The following HS6ST3 variants were observed in gnomAD, a reference collection of about 807,000 sequenced individuals.
HS6ST3 encodes the protein heparan-sulfate 6-O-sulfotransferase 3.
In HS6ST3, 12 loss-of-function variants were observed where a neutral mutation model predicts 36.7. That is an observed-to-expected ratio of 0.33 (90% confidence interval 0.21 to 0.53). HS6ST3 has a LOEUF of 0.53. HS6ST3 is among the 20% of genes least tolerant of loss of function. HS6ST3 has a pLI of 0.95. For missense variants in HS6ST3, 584 were observed against 640.9 expected, an observed-to-expected ratio of 0.91 and a Z score of 0.96; for synonymous variants, 240 against 257.5, an observed-to-expected ratio of 0.93 and a Z score of 0.65.
chr13:96,382,176 A>C (rs1681318558), intron 1 of HS6ST3, among the ~76,000 whole-genome samples: 1 of 152,126 alleles, frequency 6.6e-6, no homozygotes, highest in African/African-American at 2.4e-5. Context: ...AATGGAGCAG[A>C]GTGGGGAGGG....
chr13:96,208,555 A>T (rs2054383406), intron 1 of HS6ST3, among the ~76,000 whole-genome samples: 1 of 152,208 alleles, frequency 6.6e-6, no homozygotes, highest in Non-Finnish European at 1.5e-5. Context: ...TATTTTAGAA[A>T]AAAATATTTT....
At chr13:96,700,183 C>G (rs1257757415) in intron 1 of HS6ST3, among the ~76,000 whole-genome samples, 2 of 152,174 alleles carry the variant, frequency 1.3e-5, no homozygotes, top group Non-Finnish European at 2.9e-5. Context: ...AATAGACTCA[C>G]AGTTCCATGT....
At chr13:96,670,645 T>G (rs1044027668) in intron 1 of HS6ST3, among the ~76,000 whole-genome samples, 12 of 152,128 alleles carry the variant, frequency 7.9e-5, no homozygotes, top group Admixed American at 5.9e-4. Context: ...TCAGGTTGTA[T>G]GAGTACAGAT....
At chr13:96,345,930 C>T (rs902063521) in intron 1 of HS6ST3, among the ~76,000 whole-genome samples, 1 of 152,206 alleles carries the variant, frequency 6.6e-6, no homozygotes, top group Non-Finnish European at 1.5e-5. Context: ...TCCTGGGCTG[C>T]AGGTGGCCCA....
intron 1 of HS6ST3, among the ~76,000 whole-genome samples, chr13:96,095,086 T>C (rs1594674052): frequency 6.6e-6 from 1 of 152,214 alleles, no homozygotes; most frequent in Admixed American, 6.5e-5. Context: ...AATGTAACCA[T>C]AAAAAGGTGA....
At chr13:96,245,557 A>C (rs1041996647) in intron 1 of HS6ST3, among the ~76,000 whole-genome samples, 1 of 152,018 alleles carries the variant, frequency 6.6e-6, no homozygotes, top group Non-Finnish European at 1.5e-5. Context: ...TCTAGACCCT[A>C]TTGGTTGCTC....
At chr13:96,525,890 C>T (rs755375791) in intron 1 of HS6ST3, among the ~76,000 whole-genome samples, 1 of 152,188 alleles carries the variant, frequency 6.6e-6, no homozygotes, top group Non-Finnish European at 1.5e-5. Context: ...GAACTTTGTA[C>T]TTTAGTCAGC....
intron 1 of HS6ST3, among the ~76,000 whole-genome samples, chr13:96,667,434 T>C (rs539038658): frequency 6.6e-6 from 1 of 152,190 alleles, no homozygotes; most frequent in Non-Finnish European, 1.5e-5. Context: ...AAATAATTGC[T>C]TGCCATTAGG....
intron 1 of HS6ST3, among the ~76,000 whole-genome samples, chr13:96,549,688 G>C: frequency 6.6e-6 from 1 of 152,062 alleles, no homozygotes; most frequent in East Asian, 1.9e-4. Flanking sequence ...AACAGTTTAT[G>C]AGAAGGCCTG....
chr13:96,607,413 C>T (rs937961184), intron 1 of HS6ST3, among the ~76,000 whole-genome samples: 3 of 152,152 alleles, frequency 2.0e-5, no homozygotes, highest in Non-Finnish European at 4.4e-5. Context: ...TGTAAGAACT[C>T]GGATCCTATA....
At chr13:96,331,532 G>A (rs559336172) in intron 1 of HS6ST3, among the ~76,000 whole-genome samples, 1,781 of 152,166 alleles carry the variant, frequency 0.012, 40 homozygotes, top group African/African-American at 0.041. Context: ...GAGGCAGTCT[G>A]CCCGTTCTCA....
intron 1 of HS6ST3, among the ~76,000 whole-genome samples, chr13:96,438,410 C>A (rs1289809790): frequency 2.0e-5 from 3 of 152,182 alleles, no homozygotes; most frequent in Non-Finnish European, 4.4e-5. Flanking sequence ...CAGAAGGGTG[C>A]AATGACTTAT....
intron 1 of HS6ST3, among the ~76,000 whole-genome samples, chr13:96,244,785 G>A (rs980642442): frequency 9.9e-5 from 15 of 152,120 alleles, no homozygotes; most frequent in Admixed American, 9.8e-4. Context: ...AAATCTATGG[G>A]TGGCCTATAA....
At chr13:96,793,186 G>T (rs887015579) in intron 1 of HS6ST3, among the ~76,000 whole-genome samples, 3 of 152,028 alleles carry the variant, frequency 2.0e-5, no homozygotes, top group African/African-American at 4.8e-5. Context: ...TCCTGGTAAT[G>T]AGGTGCCCTC....
chr13:96,630,924 T>C (rs2056529872), intron 1 of HS6ST3, among the ~76,000 whole-genome samples: 1 of 152,176 alleles, frequency 6.6e-6, no homozygotes, highest in Non-Finnish European at 1.5e-5. Context: ...GTAGTGTCTG[T>C]TGGAATAAGG....
At chr13:96,216,892 A>G (rs1261647730) in intron 1 of HS6ST3, among the ~76,000 whole-genome samples, 2 of 152,222 alleles carry the variant, frequency 1.3e-5, no homozygotes, top group Non-Finnish European at 2.9e-5. Context: ...GAAGGAAAAG[A>G]AAACCCGAGA....
chr13:96,200,248 A>T (rs1447828919), intron 1 of HS6ST3, among the ~76,000 whole-genome samples: 1 of 152,142 alleles, frequency 6.6e-6, no homozygotes, highest in South Asian at 2.1e-4. Flanking sequence ...CTCACAGTAA[A>T]ATCTCATACC....
At chr13:96,454,244 G>A (rs2055743826) in intron 1 of HS6ST3, among the ~76,000 whole-genome samples, 1 of 152,128 alleles carries the variant, frequency 6.6e-6, no homozygotes, top group South Asian at 2.1e-4. Context: ...TTAGTTCTGG[G>A]CCATCAGTGA....
chr13:96,329,167 G>A (rs1315742072), intron 1 of HS6ST3, among the ~76,000 whole-genome samples: 2 of 146,302 alleles, frequency 1.4e-5, no homozygotes, highest in Non-Finnish European at 3.0e-5. Flanking sequence ...AGCGTTTTTT[G>A]TGTCTCTATT....
Sources: allele counts gnomAD v4.1 joint callset (sites outside exome capture counted in the v4.1 genomes callset), GRCh38; gene constraint gnomAD v4.1.1; transcripts MANE v1.5; gene names NCBI Gene and HGNC (gene_info 2026-07-23, HGNC 2026-07-21).